PXDNL: variants seen among roughly 807,000 people sequenced by gnomAD.
PXDNL encodes the protein peroxidasin like, also known as probable oxidoreductase PXDNL.
A neutral mutation model predicts 150.8 loss-of-function variants in PXDNL; 145 were observed. The ratio of observed to expected loss-of-function variants is 0.96; its 90% CI spans 0.84 to 1.10. The LOEUF is 1.10. Among genes scored for constraint, PXDNL ranks in the 50% least tolerant of loss-of-function variants. The pLI is 0.00. For missense variants in PXDNL, 2,087 were observed against 1,873.9 expected (o/e 1.11, Z -2.10); for synonymous variants, 757 against 725.7 (o/e 1.04, Z -0.69).
chr8:51,320,151 G>C, intron 22 of PXDNL, 129 bp from the exon 23 acceptor site: 8 of 784,436 alleles, frequency 1.0e-5, no homozygotes, highest in Non-Finnish European at 1.2e-5. Flanking sequence ...AATGCTCATA[G>C]TATGAGCTCA....
intron 2 of PXDNL, among the ~76,000 whole-genome samples, chr8:51,605,789 T>G (rs1813827509): frequency 6.6e-6 from 1 of 152,118 alleles, no homozygotes; most frequent in Non-Finnish European, 1.5e-5. Flanking sequence ...CTATCAAAGG[T>G]GTGGGTTTGT....
At chr8:51,369,617 C>T (rs192821880) in intron 19 of PXDNL, among the ~76,000 whole-genome samples, 2,340 of 150,482 alleles carry the variant, frequency 0.016, 54 homozygotes, top group African/African-American at 0.052. Context: ...GGTAATTTTG[C>T]TACTGACATG....
At chr8:51,556,764 A>T (rs1812608749) in intron 4 of PXDNL, 76 bp downstream of exon 4, 2 of 774,108 alleles carry the variant, frequency 2.6e-6, no homozygotes, top group East Asian at 2.5e-5. Flanking sequence ...TTCAACTATC[A>T]CATAATGGCA....
Position 51,408,097 on chromosome 8 carries a change from T to G in PXDNL, c.3527A>C (p.Lys1176Thr), listed in dbSNP as rs201709098. 1.2e-4 allele frequency: 193 copies of G among 1,606,978 alleles called. No homozygotes were observed. In the African/African-American group the frequency reaches 2.1e-3, roughly 18 times the overall value. Reference protein sequence around the residue: ...KNFEDLQNEIKDSEIRQKLRK... With the variant: ...KNFEDLQNEITDSEIRQKLRK... The stretch of plus-strand genomic sequence containing the variant: ...CAGTTTTTGTCTAATCTCTGAATCT[T>G]TAATTTCATTTTGAAGATCCTCAAA... Residue 1176 changes from lysine to threonine, a missense_variant, in exon 17 of 23, where the codon AAA (lysine) becomes ACA (threonine). By Grantham distance (78) the Lys-to-Thr change is moderately conservative (BLOSUM62 -1). Coordinates refer to ENST00000356297, the MANE Select transcript of PXDNL (RefSeq NM_144651.5).
chr8:51,433,593 T>C (rs1809315439), intron 12 of PXDNL, among the ~76,000 whole-genome samples: 1 of 152,204 alleles, frequency 6.6e-6, no homozygotes, highest in African/African-American at 2.4e-5. Context: ...ACAGAATTCA[T>C]CTGTAAATTT....
chr8:51,675,811 ATT>A (rs1563503401), intron 1 of PXDNL, among the ~76,000 whole-genome samples: 2 of 151,030 alleles, frequency 1.3e-5, no homozygotes, highest in Non-Finnish European at 1.5e-5. Flanking sequence ...AAAAAAAAAA[ATT>A]GCCCAGACTC....
chr8:51,723,330 T>G (rs1320202174), intron 1 of PXDNL, among the ~76,000 whole-genome samples: 1 of 152,224 alleles, frequency 6.6e-6, no homozygotes, highest in Non-Finnish European at 1.5e-5. Context: ...GAATTTACTA[T>G]TCCTAATTCA....
intron 17 of PXDNL, among the ~76,000 whole-genome samples, chr8:51,383,146 TTTC>T (rs1421068964): frequency 1.2e-4 from 19 of 152,316 alleles, no homozygotes; most frequent in Admixed American, 1.2e-3. Context: ...TCTCAAAACA[TTTC>T]TTATTAATTC....
intron 2 of PXDNL, among the ~76,000 whole-genome samples, chr8:51,646,670 G>A (rs115467573): frequency 6.6e-6 from 1 of 152,174 alleles, no homozygotes; most frequent in Non-Finnish European, 1.5e-5. Flanking sequence ...ACTTCTAGGA[G>A]CCTTGCTCCT....
rs577037692 is a variant in PXDNL, at chr8:51,799,358, C to G, written c.164+9823G>C. Among the ~76,000 whole-genome samples, 4 of 152,210 alleles carry G rather than the reference C, an allele frequency of 2.6e-5. No homozygotes were observed. In the South Asian group the frequency reaches 8.3e-4, roughly 32 times the overall value. Reference sequence around the variant, plus strand: ...GCACACATTTACTTATGTAACAAACCTGCAAGTCCTGCACATGTATCCTGG... The same window carrying G: ...GCACACATTTACTTATGTAACAAACGTGCAAGTCCTGCACATGTATCCTGG... On this transcript the variant is annotated intron_variant, in intron 1 of 22. Transcript: ENST00000356297.
chr8:51,547,307 C>T (rs543624874), intron 4 of PXDNL, among the ~76,000 whole-genome samples: 1 of 152,280 alleles, frequency 6.6e-6, no homozygotes, highest in African/African-American at 2.4e-5. Flanking sequence ...GCAAATTTCA[C>T]CAGCTGCAAC....
chr8:51,771,132 A>C (rs2037288596), intron 1 of PXDNL, among the ~76,000 whole-genome samples: 1 of 152,250 alleles, frequency 6.6e-6, no homozygotes, highest in African/African-American at 2.4e-5. Flanking sequence ...TGATTTTCAA[A>C]AATATGTCCA....
chr8:51,344,730 T>C lies in PXDNL; in HGVS notation c.4016+1103A>G, dbSNP rs148303861. On this transcript the variant is annotated intron_variant, in intron 20 of 22. Transcript: ENST00000356297. Reference sequence around the variant, plus strand: ...CAGAATGTGTGTTACAGAATGCCTGTAAAATGCTAGGTACTATATTAGTAT... The same window carrying C: ...CAGAATGTGTGTTACAGAATGCCTGCAAAATGCTAGGTACTATATTAGTAT... Among the ~76,000 whole-genome samples, 361 of 152,356 alleles carry C rather than the reference T, an allele frequency of 2.4e-3. 3 individuals are homozygous for C. The highest frequency in any genetic ancestry group is 8.1e-3 in the African/African-American group (335 of 41,590).
At chr8:51,751,196 C>CAAGG (rs1376123380) in intron 1 of PXDNL, among the ~76,000 whole-genome samples, 2 of 152,106 alleles carry the variant, frequency 1.3e-5, no homozygotes, top group South Asian at 2.1e-4. Flanking sequence ...CTCAGTCATA[C>CAAGG]AAGGCTAAAT....
intron 8 of PXDNL, among the ~76,000 whole-genome samples, chr8:51,470,880 C>A (rs1388075991): frequency 6.6e-6 from 1 of 152,014 alleles, no homozygotes; most frequent in Non-Finnish European, 1.5e-5. Flanking sequence ...ACCATAAAAA[C>A]CCTAGAAGAA....
intron 1 of PXDNL, among the ~76,000 whole-genome samples, chr8:51,779,161 A>AT (rs1335494971): frequency 4.6e-5 from 7 of 152,230 alleles, no homozygotes; most frequent in African/African-American, 1.4e-4. Flanking sequence ...AGATATTAAC[A>AT]TTTTATGTTT....
intron 19 of PXDNL, among the ~76,000 whole-genome samples, chr8:51,364,940 T>TC (rs895541108): frequency 1.3e-5 from 2 of 152,210 alleles, no homozygotes; most frequent in African/African-American, 4.8e-5. Flanking sequence ...CTTTATTTTT[T>TC]TTTCTTTATT....
chr8:51,655,744 A>G (rs1051248477), intron 1 of PXDNL, among the ~76,000 whole-genome samples: 3 of 152,172 alleles, frequency 2.0e-5, no homozygotes, highest in Non-Finnish European at 4.4e-5. Context: ...ATGGCTGCTG[A>G]ATAAAAGTCA....
chr8:51,744,052 A>G (rs2036939149), intron 1 of PXDNL, among the ~76,000 whole-genome samples: 1 of 51,428 alleles, frequency 1.9e-5, no homozygotes, highest in African/African-American at 6.5e-5. Context: ...GAAGGAAGGA[A>G]GGAAGGAAGG....
Sources: allele counts gnomAD v4.1 joint callset (sites outside exome capture counted in the v4.1 genomes callset), GRCh38; gene constraint gnomAD v4.1.1; transcripts MANE v1.5; gene names NCBI Gene and HGNC (gene_info 2026-07-23, HGNC 2026-07-21).